SSX2IP: variants seen among roughly 807,000 people sequenced by gnomAD.
SSX2IP encodes afadin- and alpha-actinin-binding protein.
Under a neutral mutation model 84.9 loss-of-function variants are expected in SSX2IP, and 55 were observed. The observed-to-expected ratio is 0.65, with a 90% confidence interval of 0.52 to 0.81. The LOEUF is 0.81. Among genes scored for constraint, SSX2IP ranks in the 30% least tolerant of loss-of-function variants. The probability of loss-of-function intolerance (pLI) is 0.00; values close to 1 mark genes in which losing one functional copy is unlikely to be tolerated. For missense variants in SSX2IP, 664 were observed against 705.2 expected (o/e 0.94, Z 0.66); for synonymous variants, 239 against 234.7 (o/e 1.02, Z -0.17).
At chr1:84,671,404 CA>C in intron 1 of SSX2IP, 96 bp from the exon 2 acceptor site, 1 of 1,110,750 alleles carries the variant, frequency 9.0e-7, no homozygotes, top group Non-Finnish European at 1.2e-6. Context: ...TGCTTCAAAA[CA>C]GAAGGATTTT....
rs1249934237 is a variant in SSX2IP, at chr1:84,647,509, C to G, written c.1769G>C (p.Gly590Ala). The change falls in exon 14 of 14, where the codon GGA becomes GCA. Residue 590 changes from glycine to alanine, a missense_variant. Coordinates refer to ENST00000342203, the MANE Select transcript of SSX2IP (RefSeq NM_001166293.2). ...NQKWSVASRP[G>A]SQEGCYSGCS... Reference sequence around the variant, plus strand: ...TCCACTATAGCAACCTTCCTGTGATCCAGGTCTTGATGCCACACTCCATTT... The same window carrying G: ...TCCACTATAGCAACCTTCCTGTGATGCAGGTCTTGATGCCACACTCCATTT... 33 of 1,613,102 alleles carry G rather than the reference C, an allele frequency of 2.0e-5. No individual in the cohort carries two copies. The highest frequency in any genetic ancestry group is 2.7e-5 in the African/African-American group (2 of 74,886).
At chr1:84,689,093 T>A (rs1656213734) in intron 1 of SSX2IP, among the ~76,000 whole-genome samples, 1 of 152,266 alleles carries the variant, frequency 6.6e-6, no homozygotes, top group East Asian at 1.9e-4. Flanking sequence ...TGTAGGTTGA[T>A]AGTTTTAGGA....
Position 84,673,092 on chromosome 1 carries a change from C to T in SSX2IP, c.-89-1784G>A, listed in dbSNP as rs543853635. On this transcript the variant is annotated intron_variant, in intron 1 of 13. Transcript: ENST00000342203. Reference sequence around the variant, plus strand: ...TCCTACTATGTGCTACTACGTTTTCCTAGGCACAGGGGAGGCCATGTTCTC... The same window carrying T: ...TCCTACTATGTGCTACTACGTTTTCTTAGGCACAGGGGAGGCCATGTTCTC... Among the ~76,000 whole-genome samples the T allele has an allele frequency of 2.0e-5, 3 of 152,292 alleles. No homozygotes were observed. The East Asian group carries it at 5.8e-4, about 29-fold the overall frequency.
At position 84,669,784 on chromosome 1, in the gene SSX2IP, A is replaced by G. The variant is rs1323036186; in HGVS notation, c.323T>C (p.Val108Ala). ...AGCTAGAAGGTTCTTCCGCTGAAGC[A>G]CAAGCAGCTCATTCATACAATTTAG... Reference protein sequence around the residue: ...AVLNCMNELLVLQRKNLLAQE... With the variant: ...AVLNCMNELLALQRKNLLAQE... Residue 108 changes from valine (V) to alanine (A), a missense_variant, in exon 4 of 14, where the codon GTG becomes GCG. Physicochemically the swap from Val to Ala is moderately conservative, Grantham distance 64 (BLOSUM62 0). Coordinates refer to ENST00000342203, the MANE Select transcript of SSX2IP (RefSeq NM_001166293.2). The G allele has an allele frequency of 1.2e-6, 2 of 1,613,830 alleles. No homozygotes were observed. The highest frequency in any genetic ancestry group is 2.7e-5 in the African/African-American group (2 of 75,044).
Position 84,689,453 on chromosome 1 carries a change from T to G in SSX2IP, c.-90+918A>C, listed in dbSNP as rs367570062. 3.5e-4 allele frequency among the ~76,000 whole-genome samples: 53 copies of G among 152,312 alleles called. No homozygotes were observed. In the South Asian group the frequency reaches 0.01, roughly 29 times the overall value. Reference sequence around the variant, plus strand: ...CAGGAAGTTCAAGAAGCCTCCACCCTTACACTTCTAAATCACCTTCTTTTC... The same window carrying G: ...CAGGAAGTTCAAGAAGCCTCCACCCGTACACTTCTAAATCACCTTCTTTTC... On this transcript the variant is annotated intron_variant, in intron 1 of 13. Coordinates refer to ENST00000342203, the MANE Select transcript of SSX2IP (RefSeq NM_001166293.2).
intron 1 of SSX2IP, among the ~76,000 whole-genome samples, chr1:84,683,327 G>C (rs535882407): frequency 6.6e-6 from 1 of 151,968 alleles, no homozygotes; most frequent in East Asian, 1.9e-4. Context: ...CACCTCACCT[G>C]AAACTAAATT....
intron 1 of SSX2IP, among the ~76,000 whole-genome samples, chr1:84,674,548 A>C (rs1654038666): frequency 6.6e-6 from 1 of 152,206 alleles, no homozygotes; most frequent in Non-Finnish European, 1.5e-5. Flanking sequence ...TTTGTAAGTA[A>C]GACAATAGTG....
At chr1:84,655,509 C>A in intron 11 of SSX2IP, 1 of 1,330,786 alleles carries the variant, frequency 7.5e-7, no homozygotes, top group Non-Finnish European at 9.8e-7. Flanking sequence ...TCTTCTGACA[C>A]CACACCTACT....
chr1:84,656,681 C>T (rs1196948545), intron 9 of SSX2IP, among the ~76,000 whole-genome samples, 197 bp from the exon 10 acceptor site: 2 of 152,014 alleles, frequency 1.3e-5, no homozygotes, highest in African/African-American at 4.8e-5. Flanking sequence ...ATTATTTTAA[C>T]ATTATAAAAA....
intron 1 of SSX2IP, chr1:84,690,142 G>C (rs1017172848): frequency 1.4e-4 from 22 of 152,446 alleles, no homozygotes; most frequent in Admixed American, 1.4e-3. Flanking sequence ...CGGTCCCGGG[G>C]CCAGCACCTA....
At chr1:84,650,602 G>A in intron 12 of SSX2IP, 75 bp from the exon 13 acceptor site, 1 of 1,503,868 alleles carries the variant, frequency 6.6e-7, no homozygotes, top group Non-Finnish European at 9.2e-7. Flanking sequence ...AAATCATCAG[G>A]ATGATTCATC....
In SSX2IP at chr1:84,651,449, GCCAGGCGCAGTGGC is replaced by G. The variant is rs1173281695; in HGVS notation, c.1504+420_1504+433del. ...ATAAAATATTAAAGTTGATTTTTAG[GCCAGGCGCAGTGGC>G]TCATGCCTAATCCCAGCACTTTGGG... On this transcript the variant is annotated intron_variant, in intron 12 of 13. Coordinates refer to ENST00000342203, the MANE Select transcript of SSX2IP (RefSeq NM_001166293.2). Among the ~76,000 whole-genome samples, 3 of 152,236 alleles carry G rather than the reference GCCAGGCGCAGTGGC, an allele frequency of 2.0e-5. 1 individual carries two copies. In the East Asian group the frequency reaches 5.8e-4, roughly 29 times the overall value.
At chr1:84,688,519 C>T (rs1237966582) in intron 1 of SSX2IP, among the ~76,000 whole-genome samples, 1 of 152,154 alleles carries the variant, frequency 6.6e-6, no homozygotes, top group East Asian at 1.9e-4. Flanking sequence ...TAGGGGTATA[C>T]TACATAAAAG....
chr1:84,664,742 G>A (rs1652522554), intron 5 of SSX2IP, among the ~76,000 whole-genome samples, 190 bp from the exon 6 acceptor site: 1 of 151,896 alleles, frequency 6.6e-6, no homozygotes, highest in Non-Finnish European at 1.5e-5. Flanking sequence ...GAAATTTCCA[G>A]AAGCGCTAAT....
At chr1:84,658,079 T>G (rs1231639805) in intron 9 of SSX2IP, 1 of 384,292 alleles carries the variant, frequency 2.6e-6, no homozygotes, top group African/African-American at 2.1e-5. Flanking sequence ...GAGGTTACAG[T>G]GAGCCGAGAT....
intron 1 of SSX2IP, among the ~76,000 whole-genome samples, chr1:84,684,980 G>A (rs1465464182): frequency 6.6e-6 from 1 of 151,424 alleles, no homozygotes; most frequent in Non-Finnish European, 1.5e-5. Flanking sequence ...AGGAATGGAG[G>A]GGCCCACAGG....
At chr1:84,671,849 T>C (rs577915597) in intron 1 of SSX2IP, among the ~76,000 whole-genome samples, 1 of 152,322 alleles carries the variant, frequency 6.6e-6, no homozygotes, top group East Asian at 1.9e-4. Flanking sequence ...TCTTAAAATA[T>C]ATTTTGATCC....
intron 1 of SSX2IP, among the ~76,000 whole-genome samples, chr1:84,682,104 A>G (rs1353874512): frequency 6.6e-6 from 1 of 152,252 alleles, no homozygotes; most frequent in Non-Finnish European, 1.5e-5. Flanking sequence ...GCTTCAAGAG[A>G]GCAGCTCACA....
At chr1:84,664,382 T>C (rs1175254586) in intron 6 of SSX2IP, 35 bp downstream of exon 6, 2 of 1,541,984 alleles carry the variant, frequency 1.3e-6, no homozygotes, top group South Asian at 2.5e-5. Flanking sequence ...TATTAGCTTA[T>C]TTATTCTCTT....
Sources: allele counts gnomAD v4.1 joint callset (sites outside exome capture counted in the v4.1 genomes callset), GRCh38; gene constraint gnomAD v4.1.1; transcripts MANE v1.5; gene names NCBI Gene and HGNC (gene_info 2026-07-23, HGNC 2026-07-21).